The following ZNF141 variants were observed in gnomAD, a reference collection of about 807,000 sequenced individuals.
ZNF141 encodes zinc finger protein 141 (clone pHZ-44).
In ZNF141, 7 loss-of-function variants were observed where a neutral mutation model predicts 11.3. The observed-to-expected ratio is 0.62, with a 90% CI of 0.35 to 1.16. The LOEUF (loss-of-function observed/expected upper bound fraction) is 1.16, where lower values mean the gene tolerates loss of function less well. ZNF141 is among the 50% of genes most tolerant of loss of function. The pLI, the probability that ZNF141 is intolerant of heterozygous loss-of-function variation, is 0.02. For missense variants in ZNF141, 535 were observed against 554.0 expected, an observed-to-expected ratio of 0.97 and a Z score of 0.34; for synonymous variants, 183 against 190.7, an observed-to-expected ratio of 0.96 and a Z score of 0.33.
chr4:353,385 A>AAAAC (rs1346577516), intron 3 of ZNF141, among the ~76,000 whole-genome samples: 1 of 151,720 alleles, frequency 6.6e-6, no homozygotes, highest in Non-Finnish European at 1.5e-5. Context: ...AAAAAAAAAA[A>AAAAC]AATCACAGCA....
At chr4:350,355 A>G (rs115196964) in intron 3 of ZNF141, 5,325 of 367,130 alleles carry the variant, frequency 0.015, 60 homozygotes, top group Middle Eastern at 0.029. Flanking sequence ...AAAATATTGT[A>G]TAAAAATGGA....
At chr4:340,042 A>T (rs1720976103) in intron 1 of ZNF141, among the ~76,000 whole-genome samples, 1 of 152,222 alleles carries the variant, frequency 6.6e-6, no homozygotes, top group African/African-American at 2.4e-5. Context: ...CTCTTAGTAG[A>T]CTGCCTGTAA....
intron 3 of ZNF141, among the ~76,000 whole-genome samples, chr4:348,845 T>C (rs969719353): frequency 1.3e-5 from 2 of 152,166 alleles, no homozygotes; most frequent in East Asian, 1.9e-4. Flanking sequence ...GTGTTTTCTA[T>C]TAGTGTGAAA....
chr4:379,780 T>C lies in ZNF141; in HGVS notation c.*5918T>C, dbSNP rs1322540622. Among the ~76,000 whole-genome samples the C allele has an allele frequency of 6.6e-6, 1 of 152,264 alleles. No individual in the cohort carries two copies. Among genetic ancestry groups the C allele is most frequent in the South Asian group, 2.1e-4 (1 of 4,836 alleles). ...ATTTGCAACATTATTCTGTAATTTT[T>C]AAAATATATTTGTTAATTGACAGAT... On this transcript the variant is annotated 3_prime_UTR_variant, in exon 4 of 4. Transcript: ENST00000240499.
At chr4:363,052 A>C (rs1420462338) in intron 3 of ZNF141, among the ~76,000 whole-genome samples, 4 of 151,972 alleles carry the variant, frequency 2.6e-5, no homozygotes, top group Non-Finnish European at 5.9e-5. Flanking sequence ...CTTTTATTTC[A>C]TTGAGCAGTG....
At chr4:370,529 C>T (rs904553081) in intron 3 of ZNF141, among the ~76,000 whole-genome samples, 16 of 152,186 alleles carry the variant, frequency 1.1e-4, no homozygotes, top group African/African-American at 2.9e-4. Flanking sequence ...TCCTTCAGCA[C>T]GTTAACTATA....
intron 3 of ZNF141, among the ~76,000 whole-genome samples, chr4:350,640 G>T (rs1445189018): frequency 6.6e-6 from 1 of 152,208 alleles, no homozygotes; most frequent in Non-Finnish European, 1.5e-5. Context: ...CCTTGAGGGA[G>T]ATGATTGGAT....
At chr4:341,131 G>A (rs1270950826) in intron 1 of ZNF141, among the ~76,000 whole-genome samples, 4 of 151,134 alleles carry the variant, frequency 2.6e-5, no homozygotes, top group Non-Finnish European at 5.9e-5. Flanking sequence ...GCAGTGGTGC[G>A]ATCTCGGCTC....
intron 3 of ZNF141, chr4:350,021 G>A (rs1721517178): frequency 6.9e-6 from 3 of 435,170 alleles, no homozygotes; most frequent in Non-Finnish European, 1.4e-5. Context: ...GAGCACAGCT[G>A]AGGCCAGGAT....
At position 378,605 on chromosome 4, in the gene ZNF141, G is replaced by GAA. The variant is rs1455354569; in HGVS notation, c.*4747_*4748dup. ...CTTTGAGTGTGAATGTTAAATGGTG[G>GAA]AAAAACAATAGAATGATCTCTGTAG... On this transcript the variant is annotated 3_prime_UTR_variant, in exon 4 of 4. Transcript: ENST00000240499. 1.3e-5 allele frequency among the ~76,000 whole-genome samples: 2 copies of GAA among 152,034 alleles called. No individual in the cohort carries two copies. Among genetic ancestry groups the GAA allele is most frequent in the Non-Finnish European group, 2.9e-5 (2 of 68,002 alleles).
chr4:368,085 G>T (rs1711835851), intron 3 of ZNF141, among the ~76,000 whole-genome samples: 1 of 152,068 alleles, frequency 6.6e-6, no homozygotes, highest in Non-Finnish European at 1.5e-5. Context: ...TTTAGAGTCA[G>T]ACTGCTTTAT....
In ZNF141 at chr4:337,932, G is replaced by T; in HGVS notation, c.-52G>T. The T allele has an allele frequency of 1.2e-6, 2 of 1,610,576 alleles. No individual in the cohort carries two copies. The highest frequency in any genetic ancestry group is 1.7e-6 in the Non-Finnish European group (2 of 1,177,750). ...CAGCCTCCGTCGCTCTGTGACCTGC[G>T]GGTATTGGATGATTGGTAGCTAAGA... is the stretch of plus-strand genomic sequence containing the variant. On this transcript the variant is annotated 5_prime_UTR_variant, in exon 1 of 4. Transcript: ENST00000240499.
chr4:347,357 T>TGAGACTGAGTCTCTCTCTGTCGCCC, intron 3 of ZNF141, among the ~76,000 whole-genome samples: 1 of 131,338 alleles, frequency 7.6e-6, no homozygotes, highest in Non-Finnish European at 1.7e-5. Context: ...TTTTTTTTTT[T>TGAGACTGAGTCTCTCTCTGTCGCCC]GAGACTGAGT....
chr4:342,838 T>G, intron 1 of ZNF141: 2 of 1,608,494 alleles, frequency 1.2e-6, no homozygotes, highest in Non-Finnish European at 8.5e-7. Context: ...CCGAGGCATT[T>G]TGAAATTCAT....
intron 3 of ZNF141, among the ~76,000 whole-genome samples, chr4:366,912 C>T (rs1711771147): frequency 6.6e-6 from 1 of 152,178 alleles, no homozygotes; most frequent in Non-Finnish European, 1.5e-5. Flanking sequence ...AGGTAATCCT[C>T]CTGCCTCAGC....
At position 374,033 on chromosome 4, in the gene ZNF141, G is replaced by T; in HGVS notation, c.*171G>T. 1.5e-6 allele frequency: 1 copy of T among 673,486 alleles called. No homozygotes were observed. The highest frequency in any genetic ancestry group is 2.6e-6 in the Non-Finnish European group (1 of 388,856). The allele number at this position is 673,486 out of a possible 1,614,324, so 41.7% of individuals were successfully genotyped here. A position where few individuals can be genotyped will look rare whatever the true frequency, so the allele number is the denominator to read the frequency against. ...AACATAAGAGAATTCATACCGGAGAGAAACTGTACAAATGTGAAGAATATG... is the reference window on the plus strand; with the variant it reads ...AACATAAGAGAATTCATACCGGAGATAAACTGTACAAATGTGAAGAATATG... On this transcript the variant is annotated 3_prime_UTR_variant, in exon 4 of 4. Coordinates refer to ENST00000240499, the MANE Select transcript of ZNF141 (RefSeq NM_003441.4).
chr4:339,739 G>A (rs911382773), intron 1 of ZNF141, among the ~76,000 whole-genome samples: 5 of 152,026 alleles, frequency 3.3e-5, no homozygotes, highest in African/African-American at 4.8e-5. Context: ...ATTGTCTTTA[G>A]GACATGGAAA....
intron 3 of ZNF141, among the ~76,000 whole-genome samples, chr4:361,141 A>C (rs1462052379): frequency 6.6e-6 from 1 of 152,200 alleles, no homozygotes; most frequent in African/African-American, 2.4e-5. Flanking sequence ...AGCTAAGTAC[A>C]TTTACATTAT....
At chr4:338,041 G>C in intron 1 of ZNF141, 55 bp downstream of exon 1, 1 of 1,610,110 alleles carries the variant, frequency 6.2e-7, no homozygotes, top group Non-Finnish European at 8.5e-7. Flanking sequence ...CGGAGCTGGC[G>C]GGAAATGGCG....
Sources: allele counts gnomAD v4.1 joint callset (sites outside exome capture counted in the v4.1 genomes callset), GRCh38; gene constraint gnomAD v4.1.1; transcripts MANE v1.5; gene names NCBI Gene and HGNC (gene_info 2026-07-23, HGNC 2026-07-21).